PITPNC1: variants seen among roughly 807,000 people sequenced by gnomAD.
PITPNC1 encodes phosphatidylinositol transfer protein cytoplasmic 1.
In PITPNC1, 18 loss-of-function variants were observed where a neutral mutation model predicts 44.7. The observed-to-expected ratio is 0.40, with a 90% CI of 0.28 to 0.60. The LOEUF (loss-of-function observed/expected upper bound fraction) is 0.60, where lower values mean the gene tolerates loss of function less well. PITPNC1 is among the 20% of genes least tolerant of loss of function. The pLI, the probability that PITPNC1 is intolerant of heterozygous loss-of-function variation, is 0.39. For synonymous variants in PITPNC1, 141 were observed against 149.6 expected (o/e 0.94, Z 0.42); for missense variants, 290 against 418.4 (o/e 0.69, Z 2.68).
intron 1 of PITPNC1, among the ~76,000 whole-genome samples, chr17:67,470,007 C>T (rs1025748795): frequency 3.3e-5 from 5 of 152,098 alleles, no homozygotes; most frequent in Non-Finnish European, 5.9e-5. Flanking sequence ...ACTGTAACCT[C>T]CGCCTCCTGG....
At chr17:67,569,621 A>G (rs2041025092) in intron 4 of PITPNC1, among the ~76,000 whole-genome samples, 1 of 152,220 alleles carries the variant, frequency 6.6e-6, no homozygotes, top group African/African-American at 2.4e-5. Flanking sequence ...ATAGATGCTT[A>G]GACACCAGAT....
At chr17:67,570,455 G>T (rs1007582272) in intron 4 of PITPNC1, among the ~76,000 whole-genome samples, 1 of 152,222 alleles carries the variant, frequency 6.6e-6, no homozygotes, top group Non-Finnish European at 1.5e-5. Flanking sequence ...TCCTGTGGAT[G>T]CCTTTCCGGA....
At chr17:67,474,531 C>T (rs2039597946) in intron 1 of PITPNC1, among the ~76,000 whole-genome samples, 1 of 152,144 alleles carries the variant, frequency 6.6e-6, no homozygotes, top group African/African-American at 2.4e-5. Context: ...CTCCTGTTTC[C>T]CCAGCAGTGA....
intron 7 of PITPNC1, 43 bp downstream of exon 7, chr17:67,669,706 C>CT: frequency 7.0e-7 from 1 of 1,436,994 alleles, no homozygotes; most frequent in Non-Finnish European, 9.6e-7. Context: ...GACAAGGTAA[C>CT]TGTCTATATT....
At chr17:67,494,753 C>T (rs1014447598) in intron 1 of PITPNC1, among the ~76,000 whole-genome samples, 3 of 152,138 alleles carry the variant, frequency 2.0e-5, no homozygotes, top group African/African-American at 4.8e-5. Context: ...GAGCAGATTG[C>T]TTGAGTCCAG....
chr17:67,679,189 G>C lies in PITPNC1; in HGVS notation c.682+3647G>C, dbSNP rs894409471. Among the ~76,000 whole-genome samples the C allele has an allele frequency of 3.3e-5, 5 of 152,366 alleles. No individual in the cohort carries two copies. The South Asian group carries it at 1.0e-3, about 32-fold the overall frequency. On this transcript the variant is annotated intron_variant, in intron 8 of 8. Transcript: ENST00000581322. ...ATTCAATCCAAATAGGTTAACTAGA[G>C]AATCATAGCTGTCTGCAGGGCCAAC...
At chr17:67,379,780 C>T (rs1193922991) in intron 1 of PITPNC1, among the ~76,000 whole-genome samples, 1 of 152,138 alleles carries the variant, frequency 6.6e-6, no homozygotes, top group East Asian at 1.9e-4. Context: ...ATCCTAATGA[C>T]CTTGTTTTTT....
At chr17:67,405,466 C>T (rs887012756) in intron 1 of PITPNC1, among the ~76,000 whole-genome samples, 3 of 151,720 alleles carry the variant, frequency 2.0e-5, no homozygotes, top group East Asian at 1.9e-4. Flanking sequence ...GCTTAAAAAA[C>T]AAGAAAAATA....
At chr17:67,498,459 G>T (rs781708788) in intron 1 of PITPNC1, among the ~76,000 whole-genome samples, 3 of 152,106 alleles carry the variant, frequency 2.0e-5, no homozygotes, top group Non-Finnish European at 4.4e-5. Flanking sequence ...TGAACATTTA[G>T]GTTGTCTCCA....
chr17:67,590,330 C>A (rs1475049778), intron 5 of PITPNC1, among the ~76,000 whole-genome samples: 4 of 152,212 alleles, frequency 2.6e-5, no homozygotes, highest in Non-Finnish European at 5.9e-5. Flanking sequence ...TTCTCAATTA[C>A]ACAGCACTCT....
chr17:67,487,396 A>C (rs2039795670), intron 1 of PITPNC1, among the ~76,000 whole-genome samples: 1 of 152,076 alleles, frequency 6.6e-6, no homozygotes, highest in African/African-American at 2.4e-5. Flanking sequence ...GCTGATCTCG[A>C]ACTCCTGGCC....
chr17:67,378,044 CGGCTCCGAGCGCCG>C lies in PITPNC1; in HGVS notation c.-103_-90del, dbSNP rs1370907949. ...GCGCCGCGGGGGCTGCTTCGCCCTC[CGGCTCCGAGCGCCG>C]GGCTCCGGGCGCCCTGCCCTGCGCC... On this transcript the variant is annotated 5_prime_UTR_variant, in exon 1 of 9. Coordinates refer to ENST00000581322, the MANE Select transcript of PITPNC1 (RefSeq NM_012417.4). 2.3e-5 allele frequency: 13 copies of C among 562,042 alleles called. No homozygotes were observed. The highest frequency in any genetic ancestry group is 3.7e-5 in the Non-Finnish European group (13 of 349,792). 34.8% of individuals were successfully genotyped at this position (562,042 alleles called of 1,614,324 possible).
intron 1 of PITPNC1, among the ~76,000 whole-genome samples, chr17:67,447,240 G>C (rs917551444): frequency 6.6e-6 from 1 of 151,864 alleles, no homozygotes; most frequent in Non-Finnish European, 1.5e-5. Flanking sequence ...CTCGTTCCTT[G>C]GAATGCAGGC....
chr17:67,517,999 G>A (rs559308355), intron 1 of PITPNC1, among the ~76,000 whole-genome samples: 2 of 152,300 alleles, frequency 1.3e-5, no homozygotes, highest in East Asian at 3.8e-4. Context: ...GACTTGATCT[G>A]CAAGGAAAAC....
At chr17:67,437,594 C>T (rs2038954771) in intron 1 of PITPNC1, among the ~76,000 whole-genome samples, 1 of 152,172 alleles carries the variant, frequency 6.6e-6, no homozygotes, top group Non-Finnish European at 1.5e-5. Flanking sequence ...TCCTAAGCAT[C>T]ACTGGTTTCT....
chr17:67,665,066 A>G (rs1251977792), intron 6 of PITPNC1, among the ~76,000 whole-genome samples: 1 of 151,788 alleles, frequency 6.6e-6, no homozygotes, highest in Admixed American at 6.6e-5. Flanking sequence ...ATCCATGTAC[A>G]TGTTTTGTTT....
chr17:67,388,471 A>G (rs1380815379), intron 1 of PITPNC1, among the ~76,000 whole-genome samples: 1 of 150,982 alleles, frequency 6.6e-6, no homozygotes, highest in African/African-American at 2.4e-5. Flanking sequence ...ACAGGTGCCC[A>G]CCACCACGCC....
At chr17:67,656,060 C>T (rs766826121) in intron 6 of PITPNC1, among the ~76,000 whole-genome samples, 1 of 152,354 alleles carries the variant, frequency 6.6e-6, no homozygotes, top group Middle Eastern at 3.4e-3. Flanking sequence ...CTTCAGGTTC[C>T]TCATCAAGAG....
chr17:67,687,192 G>C (rs1221901439), intron 8 of PITPNC1: 1 of 1,447,548 alleles, frequency 6.9e-7, no homozygotes, highest in African/African-American at 1.4e-5. Context: ...AGTGTACGTA[G>C]AATTTTTAAA....
Sources: allele counts gnomAD v4.1 joint callset (sites outside exome capture counted in the v4.1 genomes callset), GRCh38; gene constraint gnomAD v4.1.1; transcripts MANE v1.5; gene names NCBI Gene and HGNC (gene_info 2026-07-23, HGNC 2026-07-21).